Variants in TTC39B observed in about 807,000 individuals in gnomAD.
TTC39B encodes the protein tetratricopeptide repeat protein 39B.
In TTC39B, 92 loss-of-function variants were observed where a neutral mutation model predicts 96.6. The observed-to-expected ratio is 0.95, with a 90% CI of 0.80 to 1.13. The LOEUF is 1.13. TTC39B is among the 50% of genes most tolerant of loss of function. The pLI, the probability that TTC39B is intolerant of heterozygous loss-of-function variation, is 0.00. For missense variants in TTC39B, 955 were observed against 809.3 expected, an observed-to-expected ratio of 1.18 and a Z score of -2.18; for synonymous variants, 367 against 299.4, an observed-to-expected ratio of 1.23 and a Z score of -2.33.
chr9:15,275,523 G>C (rs1050699414), intron 1 of TTC39B, among the ~76,000 whole-genome samples: 1 of 152,196 alleles, frequency 6.6e-6, no homozygotes, highest in African/African-American at 2.4e-5. Flanking sequence ...GGAACTACCA[G>C]CATCGATACG....
intron 6 of TTC39B, among the ~76,000 whole-genome samples, chr9:15,204,904 A>C (rs1350183958): frequency 2.0e-5 from 3 of 152,162 alleles, no homozygotes; most frequent in African/African-American, 4.8e-5. Context: ...CTTCCCAACC[A>C]ACCATTATAC....
At chr9:15,244,427 T>C (rs2131481877) in intron 2 of TTC39B, among the ~76,000 whole-genome samples, 1 of 152,332 alleles carries the variant, frequency 6.6e-6, no homozygotes, top group South Asian at 2.1e-4. Flanking sequence ...GGTCTCAGTG[T>C]CCCTATCTGC....
At chr9:15,196,377 T>C (rs752660273) in intron 8 of TTC39B, among the ~76,000 whole-genome samples, 8 of 152,222 alleles carry the variant, frequency 5.3e-5, no homozygotes, top group Non-Finnish European at 1.2e-4. Context: ...AAAGGATTCA[T>C]CATTCTACCT....
intron 15 of TTC39B, chr9:15,186,680 C>G (rs1818542975): frequency 6.9e-6 from 2 of 288,160 alleles, no homozygotes; most frequent in African/African-American, 4.4e-5. Context: ...GATGTTGATG[C>G]TACAGTTAAT....
chr9:15,191,222 G>A (rs1818838772), exon 10 of TTC39B: 2 of 1,609,658 alleles, frequency 1.2e-6, no homozygotes, highest in Non-Finnish European at 1.7e-6. Flanking sequence ...AATTCTAGTA[G>A]TCTGATAATC....
exon 11 of TTC39B, chr9:15,190,645 C>G (rs1476882261): frequency 6.2e-7 from 1 of 1,614,142 alleles, no homozygotes; most frequent in Non-Finnish European, 8.5e-7. Context: ...CTTCACGTAA[C>G]TGCAGGAGGC....
At chr9:15,238,937 G>A (rs868245856) in intron 2 of TTC39B, among the ~76,000 whole-genome samples, 29 of 152,280 alleles carry the variant, frequency 1.9e-4, no homozygotes, top group Middle Eastern at 3.4e-3. Flanking sequence ...AGTGAGCCAA[G>A]ATCGCACCAC....
intron 1 of TTC39B, among the ~76,000 whole-genome samples, chr9:15,303,484 C>T (rs1227557434): frequency 6.6e-6 from 1 of 151,726 alleles, no homozygotes; most frequent in Non-Finnish European, 1.5e-5. Context: ...GATCCTCCCA[C>T]CTCAGCCTCC....
intron 1 of TTC39B, among the ~76,000 whole-genome samples, chr9:15,272,178 A>T (rs1265963613): frequency 6.6e-6 from 1 of 152,108 alleles, no homozygotes; most frequent in Non-Finnish European, 1.5e-5. Context: ...GATTCCCATC[A>T]GGGCCCCTAG....
chr9:15,234,232 C>T (rs7035612), intron 2 of TTC39B, among the ~76,000 whole-genome samples: 1 of 151,530 alleles, frequency 6.6e-6, no homozygotes, highest in Admixed American at 6.6e-5. Flanking sequence ...AGCGTCTCTG[C>T]CCGGCAGCCA....
At chr9:15,240,661 C>T (rs1342242252) in intron 2 of TTC39B, among the ~76,000 whole-genome samples, 2 of 152,040 alleles carry the variant, frequency 1.3e-5, no homozygotes, top group East Asian at 3.9e-4. Context: ...TCACACATAA[C>T]TCAAAATAGT....
chr9:15,213,178 G>A (rs958855246), intron 4 of TTC39B, among the ~76,000 whole-genome samples: 4 of 151,848 alleles, frequency 2.6e-5, no homozygotes, highest in African/African-American at 7.3e-5. Flanking sequence ...ACTGAGAGAG[G>A]GAAAGACAAG....
intron 2 of TTC39B, among the ~76,000 whole-genome samples, chr9:15,254,030 T>C (rs1459588900): frequency 6.6e-6 from 1 of 152,172 alleles, no homozygotes. Flanking sequence ...CGAGACTTCC[T>C]GGACACTCCC....
intron 1 of TTC39B, among the ~76,000 whole-genome samples, chr9:15,304,858 G>A (rs1382294873): frequency 6.6e-5 from 10 of 152,082 alleles, no homozygotes; most frequent in African/African-American, 2.4e-4. Flanking sequence ...CTAGTACAGG[G>A]CTTGGCACCT....
chr9:15,305,081 G>A (rs76052860), intron 1 of TTC39B, among the ~76,000 whole-genome samples: 1,976 of 152,098 alleles, frequency 0.013, 42 homozygotes, highest in African/African-American at 0.044. Flanking sequence ...AGCTATTTGC[G>A]CACCCAGTAA....
At chr9:15,223,526 T>A (rs1586908177) in intron 3 of TTC39B, among the ~76,000 whole-genome samples, 1 of 152,144 alleles carries the variant, frequency 6.6e-6, no homozygotes, top group East Asian at 1.9e-4. Flanking sequence ...CCAGGAGGAG[T>A]AACATATGAG....
At chr9:15,285,691 A>G (rs1265369978) in intron 1 of TTC39B, among the ~76,000 whole-genome samples, 1 of 152,070 alleles carries the variant, frequency 6.6e-6, no homozygotes, top group African/African-American at 2.4e-5. Context: ...CGTCTCTACT[A>G]AAAATACAAA....
chr9:15,280,139 C>T (rs544874654), intron 1 of TTC39B, among the ~76,000 whole-genome samples: 3 of 152,214 alleles, frequency 2.0e-5, no homozygotes, highest in African/African-American at 7.2e-5. Context: ...CTCAAGTAAT[C>T]GGCCCACCTT....
intron 2 of TTC39B, among the ~76,000 whole-genome samples, chr9:15,232,857 G>A (rs999118020): frequency 7.9e-5 from 12 of 152,286 alleles, no homozygotes; most frequent in African/African-American, 2.9e-4. Context: ...CCACTTCATT[G>A]GAATCAGCCT....
Sources: gnomAD v4.1 joint callset for allele counts (sites outside exome capture counted in the v4.1 genomes callset) on GRCh38, gnomAD v4.1.1 for gene constraint, MANE v1.5 for transcripts, NCBI Gene and HGNC (gene_info 2026-07-23, HGNC 2026-07-21) for gene names.